COL15A1: variants seen among roughly 807,000 people sequenced by gnomAD.
The protein encoded by COL15A1 is collagen alpha-1(XV) chain.
In COL15A1, 111 loss-of-function variants were observed where a neutral mutation model predicts 165.9. The observed-to-expected ratio is 0.67, with a 90% CI of 0.57 to 0.78. The LOEUF is 0.78. Ranked by LOEUF, COL15A1 falls within the 30% of genes least tolerant of loss-of-function variation. The pLI is 0.00. For synonymous variants in COL15A1, 659 were observed against 674.8 expected, an observed-to-expected ratio of 0.98 and a Z score of 0.36; for missense variants, 1,745 against 1,789.7, an observed-to-expected ratio of 0.98 and a Z score of 0.45.
intron 2 of COL15A1, 46 bp downstream of exon 2, chr9:98,944,296 T>A: frequency 6.3e-7 from 1 of 1,583,610 alleles, no homozygotes; most frequent in South Asian, 1.1e-5. Context: ...TCCGCGCCCG[T>A]GGGGGAAGTC....
rs753958282 is a variant in COL15A1 at position 99,049,876 on chromosome 9, G to A, written c.2885G>A (p.Arg962Gln). The A allele has an allele frequency of 5.6e-6, 9 of 1,614,036 alleles. No homozygotes were observed. Among genetic ancestry groups the A allele is most frequent in the South Asian group, 1.1e-5 (1 of 91,068 alleles). The change falls in exon 30 of 42, where the codon CGA becomes CAA. Residue 962 changes from arginine (R) to glutamine (Q), a missense_variant. Arg to Gln is a conservative substitution (Grantham distance 43). Transcript: ENST00000375001. ...CAGGCCATTTTCCCAATACCCGTCC[G>A]ACCACACTGCAAAATGCCAGTAAGT... is the stretch of plus-strand genomic sequence containing the variant. The part of the protein sequence containing the change: ...IKGAIFPIPV[R>Q]PHCKMPVDTA...
intron 5 of COL15A1, among the ~76,000 whole-genome samples, chr9:98,994,158 G>A (rs1193635640): frequency 6.6e-6 from 1 of 151,636 alleles, no homozygotes; most frequent in Non-Finnish European, 1.5e-5. Flanking sequence ...TGTGTTGGGG[G>A]GATTGGTCTT....
Position 99,035,136 on chromosome 9 carries a change from A to G in COL15A1, c.2202A>G (p.Thr734=). ...GPPGPPGPGC[T]MGLGFEDTEG... is the part of the protein sequence containing the mutation. ...CTGGGCCCCCAGGCCCTGGATGCAC[A>G]ATGGGACTTGGATTCGAGGTACTTT... The change falls in exon 18 of 42, where the codon ACA becomes ACG. Residue 734 remains threonine, a synonymous_variant. Coordinates refer to ENST00000375001, the MANE Select transcript of COL15A1 (RefSeq NM_001855.5). 1.3e-6 allele frequency: 2 copies of G among 1,598,706 alleles called. No individual in the cohort carries two copies. The highest frequency in any genetic ancestry group is 2.7e-5 in the African/African-American group (2 of 73,806).
intron 2 of COL15A1, among the ~76,000 whole-genome samples, chr9:98,961,355 G>A (rs60094494): frequency 1.3e-5 from 2 of 152,292 alleles, no homozygotes; most frequent in East Asian, 3.9e-4. Context: ...AGTGCAATGA[G>A]AGCTATGAAA....
Position 99,049,615 on chromosome 9 carries a change from G to C in COL15A1, c.2794-75G>C, listed in dbSNP as rs190504205. On this transcript the variant is annotated intron_variant, in intron 28 of 41. Transcript: ENST00000375001. ...AGCAGACCCTCCTTTCCTTCCTCTG[G>C]AGGAAGTGTCCTGTGGCTGCCCCTG... The C allele has an allele frequency of 2.4e-3, 3,821 of 1,583,992 alleles. 12 individuals carry two copies. The highest frequency in any genetic ancestry group is 6.3e-3 in the South Asian group (559 of 89,254).
At chr9:99,054,991 C>G in intron 32 of COL15A1, 111 bp from the exon 33 acceptor site, 2 of 932,544 alleles carry the variant, frequency 2.1e-6, no homozygotes, top group Non-Finnish European at 3.5e-6. Flanking sequence ...TTAGCCAACC[C>G]AGTGCAGGCT....
Position 99,034,560 on chromosome 9 carries a change from G to A in COL15A1, c.2055G>A (p.Gly685=), listed in dbSNP as rs551372899. 31 of 1,549,248 alleles carry A rather than the reference G, an allele frequency of 2.0e-5. No homozygotes were observed. The highest frequency in any genetic ancestry group is 8.9e-5 in the African/African-American group (6 of 67,718). The change falls in exon 17 of 42, where the codon GGG becomes GGA. Residue 685 remains glycine, a synonymous_variant. Transcript: ENST00000375001. ...PGMKGEKGAR[G]PNGSVGEKGD... ...TTTGTTTTTTTCAGGGAGCAAGAGG[G>A]CCTAATGGCTCAGTTGGTGAAAAGG...
At chr9:99,044,808 G>T (rs1456277211) in intron 26 of COL15A1, 38 bp downstream of exon 26, 1 of 1,585,548 alleles carries the variant, frequency 6.3e-7, no homozygotes, top group Non-Finnish European at 8.7e-7. Context: ...CTGGGCTGGG[G>T]TTTGAAGCAT....
At chr9:98,955,810 C>G (rs996557270) in intron 2 of COL15A1, among the ~76,000 whole-genome samples, 9 of 152,218 alleles carry the variant, frequency 5.9e-5, no homozygotes, top group Non-Finnish European at 2.9e-5. Context: ...CACACAGAAC[C>G]TCTGAAATAG....
rs780194163 is a variant in COL15A1, at chr9:98,944,082, G to A, written c.11+10G>A. On this transcript the variant is annotated intron_variant, in intron 1 of 41. Transcript: ENST00000375001. ...GCGAGATGGCACCAAGGTAAGACCC[G>A]CTTCTCTGCTTCCTCGCGTCCCGGG... is the stretch of plus-strand genomic sequence containing the variant. 6 of 1,614,122 alleles carry A rather than the reference G, an allele frequency of 3.7e-6. 1 individual carries two copies.
intron 4 of COL15A1, 147 bp from the exon 5 acceptor site, chr9:98,989,031 C>A (rs1298982073): frequency 1.7e-6 from 1 of 573,214 alleles, no homozygotes; most frequent in Admixed American, 2.3e-5. Context: ...TAGACACACA[C>A]ACACACACAC....
intron 14 of COL15A1, among the ~76,000 whole-genome samples, chr9:99,024,273 TTTTGTTTTTTTG>T (rs1206270687): frequency 3.6e-5 from 5 of 137,554 alleles, no homozygotes; most frequent in Non-Finnish European, 7.6e-5. Flanking sequence ...AAGCAGTTTT[TTTTGTTTTTTTG>T]TTTTTTTTTT....
At chr9:99,008,147 C>G (rs989780531) in intron 9 of COL15A1, among the ~76,000 whole-genome samples, 11 of 152,002 alleles carry the variant, frequency 7.2e-5, no homozygotes, top group South Asian at 6.2e-4. Flanking sequence ...TTTGCTGGAG[C>G]TTTATTCCAT....
intron 23 of COL15A1, chr9:99,041,506 G>C (rs114738247): frequency 0.015 from 2,293 of 152,066 alleles, 27 homozygotes; most frequent in Non-Finnish European, 0.022. Flanking sequence ...GCATTCCTAT[G>C]GGGGGGGTGG....
At chr9:98,959,655 C>T (rs1837836452) in intron 2 of COL15A1, among the ~76,000 whole-genome samples, 2 of 152,144 alleles carry the variant, frequency 1.3e-5, no homozygotes, top group South Asian at 4.1e-4. Flanking sequence ...CCTCTCCCTT[C>T]TATCTTCTTG....
At chr9:99,065,510 G>C (rs1423337586) in intron 39 of COL15A1, among the ~76,000 whole-genome samples, 3 of 151,766 alleles carry the variant, frequency 2.0e-5, no homozygotes, top group Non-Finnish European at 4.4e-5. Flanking sequence ...CTGTGATTGT[G>C]GTGGGTGGGC....
At chr9:99,054,763 C>G in intron 32 of COL15A1, 107 bp downstream of exon 32, 1 of 1,240,022 alleles carries the variant, frequency 8.1e-7, no homozygotes, top group South Asian at 1.5e-5. Flanking sequence ...GACATTCCAC[C>G]CTGACCACAG....
chr9:99,062,136 A>G (rs1825826175), intron 37 of COL15A1, 37 bp downstream of exon 37: 4 of 1,611,774 alleles, frequency 2.5e-6, no homozygotes, highest in Non-Finnish European at 3.4e-6. Context: ...CTGCCTTCAA[A>G]TACCCTCTAA....
intron 16 of COL15A1, among the ~76,000 whole-genome samples, chr9:99,032,120 G>T (rs1161495561): frequency 6.6e-6 from 1 of 151,872 alleles, no homozygotes; most frequent in East Asian, 1.9e-4. Flanking sequence ...GGGATTTATT[G>T]TTCTTTATTC....
Sources: gnomAD v4.1 joint callset for allele counts (sites outside exome capture counted in the v4.1 genomes callset) on GRCh38, gnomAD v4.1.1 for gene constraint, MANE v1.5 for transcripts, NCBI Gene and HGNC (gene_info 2026-07-23, HGNC 2026-07-21) for gene names.